FNIP2: variants seen among roughly 807,000 people sequenced by gnomAD.
FNIP2 encodes folliculin-interacting protein 2.
FNIP2 carries 32 observed loss-of-function variants against 108.7 expected under a neutral mutation model. That is an observed-to-expected ratio of 0.29 (90% CI 0.22 to 0.40). The LOEUF (loss-of-function observed/expected upper bound fraction) is 0.40, where lower values mean the gene tolerates loss of function less well. Among genes scored for constraint, FNIP2 ranks in the 10% least tolerant of loss-of-function variants. The pLI is 1.00. For missense variants in FNIP2, 1,202 were observed against 1,381.6 expected (o/e 0.87, Z 2.06); for synonymous variants, 480 against 496.7 (o/e 0.97, Z 0.45).
In FNIP2 at chr4:158,861,656, G is replaced by T; in HGVS notation, c.1345G>T (p.Val449Phe). ...TAVLTYHLAWVPTVMPVDHPP... is the reference protein window; with the variant it reads ...TAVLTYHLAWFPTVMPVDHPP... ...GGTGTTAACCTACCACCTGGCCTGG[G>T]TCCCAACTGTCATGCCTGTGGATCA... is the stretch of plus-strand genomic sequence containing the variant. The change falls in exon 12 of 17, where the codon GTC becomes TTC. Residue 449 changes from valine to phenylalanine, a missense_variant. Transcript: ENST00000264433. 1 of 1,613,954 alleles carries T rather than the reference G, an allele frequency of 6.2e-7. No individual in the cohort carries two copies. The highest frequency in any genetic ancestry group is 1.3e-5 in the African/African-American group (1 of 75,012).
chr4:158,901,128 ATTTTT>A (rs140017298), intron 16 of FNIP2, among the ~76,000 whole-genome samples: 46 of 112,296 alleles, frequency 4.1e-4, no homozygotes, highest in African/African-American at 1.6e-3. Flanking sequence ...CTGGGTTGAA[ATTTTT>A]TTTTTTTTTT....
intron 14 of FNIP2, among the ~76,000 whole-genome samples, chr4:158,881,621 T>G (rs1211143585): frequency 6.6e-6 from 1 of 152,226 alleles, no homozygotes; most frequent in Non-Finnish European, 1.5e-5. Context: ...TGACTGGTTT[T>G]CGTATTTTTT....
At chr4:158,870,200 C>G (rs1186537326) in intron 13 of FNIP2, 113 bp from the exon 14 acceptor site, 5 of 1,191,342 alleles carry the variant, frequency 4.2e-6, no homozygotes, top group Non-Finnish European at 5.9e-6. Flanking sequence ...GTGACATGGA[C>G]CACCCTGAAT....
chr4:158,774,905 G>T (rs1199523848), intron 1 of FNIP2, among the ~76,000 whole-genome samples: 1 of 152,214 alleles, frequency 6.6e-6, no homozygotes, highest in African/African-American at 2.4e-5. Flanking sequence ...TGAATTTGTT[G>T]TATTATGCAT....
intron 1 of FNIP2, among the ~76,000 whole-genome samples, chr4:158,789,410 A>T (rs529106284): frequency 6.6e-6 from 1 of 152,316 alleles, no homozygotes; most frequent in African/African-American, 2.4e-5. Context: ...AGGACAGTTC[A>T]TTTATTTATT....
rs1471700913 is a variant in FNIP2 at position 158,895,731 on chromosome 4, A to G, written c.3151-19A>G. ...GATTTGACTTCTAGCCCTCATTGTG[A>G]ATGTTCTTGGCTTTGCAGTGCATCA... On this transcript the variant is annotated intron_variant, in intron 15 of 16. Coordinates refer to ENST00000264433, the MANE Select transcript of FNIP2 (RefSeq NM_020840.3). The G allele has an allele frequency of 2.7e-6, 4 of 1,491,926 alleles. No homozygotes were observed. The highest frequency in any genetic ancestry group is 1.4e-5 in the African/African-American group (1 of 72,458). 92.4% of individuals were successfully genotyped at this position (1,491,926 alleles called of 1,614,324 possible). A position where few individuals can be genotyped will look rare whatever the true frequency, so the allele number is the denominator to read the frequency against.
At chr4:158,793,647 C>T (rs573140387) in intron 1 of FNIP2, among the ~76,000 whole-genome samples, 1 of 152,134 alleles carries the variant, frequency 6.6e-6, no homozygotes, top group Non-Finnish European at 1.5e-5. Flanking sequence ...TTAAGATTGG[C>T]GAATGAGCAT....
intron 1 of FNIP2, among the ~76,000 whole-genome samples, chr4:158,813,604 A>T (rs1203943725): frequency 6.6e-6 from 1 of 152,108 alleles, no homozygotes; most frequent in Non-Finnish European, 1.5e-5. Flanking sequence ...TTTTTTGGGA[A>T]TATTTTGTCT....
At chr4:158,866,218 A>ATTATTTTTTTTTT in intron 12 of FNIP2, among the ~76,000 whole-genome samples, 1 of 12,368 alleles carries the variant, frequency 8.1e-5, no homozygotes, top group African/African-American at 1.9e-4. Context: ...TATTCTGGTT[A>ATTATTTTTTTTTT]TTCTTTTTTT....
chr4:158,895,811 A>T lies in FNIP2; in HGVS notation c.3212A>T (p.Glu1071Val). 6.2e-7 allele frequency: 1 copy of T among 1,613,412 alleles called. No homozygotes were observed. Among genetic ancestry groups the T allele is most frequent in the Non-Finnish European group, 8.5e-7 (1 of 1,179,642 alleles). ...TACCTTAAAAGTAAAATGCTATCTGAATATCTCCGGGGACACACACGAGTC... is the reference window on the plus strand; with the variant it reads ...TACCTTAAAAGTAAAATGCTATCTGTATATCTCCGGGGACACACACGAGTC... ...EMYLKSKMLS[E>V]YLRGHTRVHV... The change falls in exon 16 of 17, where the codon GAA (glutamate) becomes GTA (valine). Residue 1071 changes from glutamate to valine, a missense_variant. Around this residue, in one of 5 missense-constraint regions of FNIP2, gnomAD observed 142 missense variants for 183.8 expected, o/e 0.77. Coordinates refer to ENST00000264433, the MANE Select transcript of FNIP2 (RefSeq NM_020840.3).
chr4:158,869,476 CT>C (rs1188612355), intron 13 of FNIP2, 48 bp downstream of exon 13: 3 of 1,503,482 alleles, frequency 2.0e-6, no homozygotes, highest in Non-Finnish European at 2.6e-6. Context: ...TCAAATCCCA[CT>C]TTCCTGGCCT....
At chr4:158,770,740 C>T (rs1775670219) in intron 1 of FNIP2, among the ~76,000 whole-genome samples, 1 of 152,050 alleles carries the variant, frequency 6.6e-6, no homozygotes, top group Admixed American at 6.6e-5. Context: ...TACTTCGGAC[C>T]TAAGGTGTGT....
At chr4:158,770,952 A>G (rs1775679469) in intron 1 of FNIP2, among the ~76,000 whole-genome samples, 1 of 152,136 alleles carries the variant, frequency 6.6e-6, no homozygotes, top group South Asian at 2.1e-4. Flanking sequence ...CATTTCCGCT[A>G]TCCACAAGTT....
intron 8 of FNIP2, among the ~76,000 whole-genome samples, chr4:158,855,550 C>T (rs1028335714): frequency 3.3e-5 from 5 of 152,230 alleles, no homozygotes; most frequent in Admixed American, 6.5e-5. Context: ...CGGGTTCAAG[C>T]GGTTCCCCTG....
chr4:158,856,612 A>T (rs7663520), intron 8 of FNIP2, among the ~76,000 whole-genome samples: 8 of 151,940 alleles, frequency 5.3e-5, no homozygotes, highest in South Asian at 2.1e-4. Flanking sequence ...ACCAGCAGAC[A>T]GATTAGGCAT....
chr4:158,848,776 A>G (rs924646395), intron 7 of FNIP2, among the ~76,000 whole-genome samples: 28 of 152,222 alleles, frequency 1.8e-4, no homozygotes, highest in Non-Finnish European at 8.8e-5. Flanking sequence ...GAAGAAATGG[A>G]AATAATTAAA....
At chr4:158,806,265 G>A (rs1325983887) in intron 1 of FNIP2, 21 of 1,289,226 alleles carry the variant, frequency 1.6e-5, no homozygotes, top group East Asian at 1.1e-4. Context: ...GCGGCACAGC[G>A]AACACCACAA....
intron 16 of FNIP2, among the ~76,000 whole-genome samples, chr4:158,899,675 TTC>T (rs1337342600): frequency 1.3e-5 from 2 of 152,230 alleles, no homozygotes; most frequent in Non-Finnish European, 2.9e-5. Flanking sequence ...TAGTTTGTAT[TTC>T]TGTGGGATCA....
intron 16 of FNIP2, among the ~76,000 whole-genome samples, chr4:158,902,521 G>T (rs10434104): frequency 0.33 from 50,427 of 152,112 alleles, 9,923 homozygotes; most frequent in East Asian, 0.83. Context: ...CTGTGTGGGG[G>T]ATCCACTGCT....
Sources: gnomAD v4.1 joint callset for allele counts (sites outside exome capture counted in the v4.1 genomes callset) on GRCh38, gnomAD v4.1.1 for gene constraint, gnomAD v4.1.1 regional missense constraint, MANE v1.5 for transcripts, NCBI Gene and HGNC (gene_info 2026-07-23, HGNC 2026-07-21) for gene names.